SESTD1: variants seen among roughly 807,000 people sequenced by gnomAD.
SESTD1 encodes SEC14 domain and spectrin repeat-containing protein 1.
In SESTD1, 43 loss-of-function variants were observed where a neutral mutation model predicts 101.7. The ratio of observed to expected loss-of-function variants is 0.42; its 90% confidence interval spans 0.33 to 0.55. SESTD1 has a LOEUF of 0.55. Ranked by LOEUF, SESTD1 falls within the 20% of genes least tolerant of loss-of-function variation. SESTD1 has a pLI of 0.07. For missense variants in SESTD1, 647 were observed against 815.1 expected, an observed-to-expected ratio of 0.79 and a Z score of 2.51; for synonymous variants, 283 against 286.8, an observed-to-expected ratio of 0.99 and a Z score of 0.13.
At position 179,216,519 on chromosome 2, in the gene SESTD1, T is replaced by C. The variant is rs1411402910; in HGVS notation, c.-25-24653A>G. ...TGGAAGAATATTCCATGCTCATGGA[T>C]AGGAAGAATCAATATTGTGAAAATG... On this transcript the variant is annotated intron_variant, in intron 1 of 17. Coordinates refer to ENST00000428443, the MANE Select transcript of SESTD1 (RefSeq NM_178123.5). Among the ~76,000 whole-genome samples the C allele has an allele frequency of 2.2e-5, 3 of 135,064 alleles. 1 individual carries two copies. Among genetic ancestry groups the C allele is most frequent in the Non-Finnish European group, 4.8e-5 (3 of 62,876 alleles). The allele number at this position is 135,064 out of a possible 152,430, so 88.6% of individuals were successfully genotyped here. A position where few individuals can be genotyped will look rare whatever the true frequency, so the allele number is the denominator to read the frequency against.
intron 1 of SESTD1, among the ~76,000 whole-genome samples, chr2:179,259,494 C>T (rs920684052): frequency 6.6e-6 from 1 of 152,144 alleles, no homozygotes; most frequent in Non-Finnish European, 1.5e-5. Context: ...TCTCAAAGTG[C>T]TGGGATTACA....
intron 1 of SESTD1, among the ~76,000 whole-genome samples, chr2:179,195,778 G>A (rs1372353336): frequency 6.6e-6 from 1 of 151,084 alleles, no homozygotes. Context: ...AAGTTAAAAG[G>A]AACCAGGGAA....
chr2:179,152,912 G>A (rs2045557906), intron 5 of SESTD1, among the ~76,000 whole-genome samples: 1 of 151,810 alleles, frequency 6.6e-6, no homozygotes, highest in Non-Finnish European at 1.5e-5. Flanking sequence ...GAAAGGAGGT[G>A]AAAAATCAGA....
chr2:179,121,647 C>A, intron 13 of SESTD1, 123 bp downstream of exon 13: 1 of 692,518 alleles, frequency 1.4e-6, no homozygotes, highest in South Asian at 4.6e-5. Context: ...TCACCAAAAA[C>A]CTACTACATG....
At chr2:179,193,989 G>A (rs756332238) in intron 1 of SESTD1, among the ~76,000 whole-genome samples, 69 of 152,036 alleles carry the variant, frequency 4.5e-4, no homozygotes, top group Non-Finnish European at 5.9e-4. Context: ...TCACTCTCTC[G>A]GGATCCTGAT....
chr2:179,229,263 G>T (rs2046939213), intron 1 of SESTD1, among the ~76,000 whole-genome samples: 1 of 152,148 alleles, frequency 6.6e-6, no homozygotes, highest in Non-Finnish European at 1.5e-5. Flanking sequence ...CAATGTAAGT[G>T]AGCATCATTC....
chr2:179,203,306 A>G (rs2046545166), intron 1 of SESTD1, among the ~76,000 whole-genome samples: 1 of 133,970 alleles, frequency 7.5e-6, no homozygotes, highest in Non-Finnish European at 1.6e-5. Context: ...GCCTTTCTTT[A>G]CCTACAACTG....
intron 1 of SESTD1, among the ~76,000 whole-genome samples, chr2:179,243,237 T>C (rs1315559211): frequency 2.6e-5 from 4 of 152,054 alleles, no homozygotes; most frequent in Non-Finnish European, 2.9e-5. Context: ...ATGGCTATTA[T>C]TAAAAAGTCA....
chr2:179,124,920 T>A (rs568748820), intron 10 of SESTD1, among the ~76,000 whole-genome samples: 7 of 152,264 alleles, frequency 4.6e-5, no homozygotes, highest in South Asian at 4.2e-4. Flanking sequence ...CAAAAAACCG[T>A]ATCCCCTTTG....
intron 10 of SESTD1, among the ~76,000 whole-genome samples, chr2:179,128,879 A>T (rs1039214864): frequency 1.3e-5 from 2 of 152,168 alleles, no homozygotes; most frequent in Non-Finnish European, 2.9e-5. Context: ...ATAGCAAAAT[A>T]AAAAAACACC....
intron 1 of SESTD1, among the ~76,000 whole-genome samples, chr2:179,236,749 GTTTT>G (rs71848548): frequency 1.5e-5 from 2 of 135,250 alleles, no homozygotes; most frequent in African/African-American, 2.6e-5. Flanking sequence ...ATCTGATGTA[GTTTT>G]TTTTTTTTTT....
chr2:179,148,819 G>A (rs2045448332), intron 7 of SESTD1, among the ~76,000 whole-genome samples: 1 of 152,058 alleles, frequency 6.6e-6, no homozygotes, highest in African/African-American at 2.4e-5. Context: ...CCAGCACTTT[G>A]GGAGGCCGAG....
chr2:179,238,349 CTG>C (rs2105544602), intron 1 of SESTD1, among the ~76,000 whole-genome samples: 1 of 152,256 alleles, frequency 6.6e-6, no homozygotes, highest in African/African-American at 2.4e-5. Flanking sequence ...CCACAGAAAA[CTG>C]TTGGCATAAT....
At position 179,206,405 on chromosome 2, in the gene SESTD1, G is replaced by A. The variant is rs990074054; in HGVS notation, c.-25-14539C>T. On this transcript the variant is annotated intron_variant, in intron 1 of 17. Coordinates refer to ENST00000428443, the MANE Select transcript of SESTD1 (RefSeq NM_178123.5). ...TGGGGAACCCAAAAATCCAGATCAT[G>A]GGAGAAGAATTTAATCTTACATAGA... Among the ~76,000 whole-genome samples the A allele has an allele frequency of 5.1e-5, 7 of 136,386 alleles. 2 individuals carry two copies. Among genetic ancestry groups the A allele is most frequent in the African/African-American group, 2.0e-4 (7 of 34,710 alleles). The allele number at this position is 136,386 out of a possible 152,430, so 89.5% of individuals were successfully genotyped here. A position where few individuals can be genotyped will look rare whatever the true frequency, so the allele number is the denominator to read the frequency against.
intron 8 of SESTD1, among the ~76,000 whole-genome samples, chr2:179,145,883 A>G (rs1443539712): frequency 6.6e-6 from 1 of 152,248 alleles, no homozygotes; most frequent in Non-Finnish European, 1.5e-5. Flanking sequence ...GGAGTGTTCA[A>G]TAATTCTCAT....
At chr2:179,219,427 G>C (rs559496125) in intron 1 of SESTD1, among the ~76,000 whole-genome samples, 1 of 152,308 alleles carries the variant, frequency 6.6e-6, no homozygotes, top group South Asian at 2.1e-4. Flanking sequence ...ATCATCTCTA[G>C]TAAGTCTACA....
rs2046952122 is a variant in SESTD1 at position 179,229,769 on chromosome 2, A to ATG, written c.-26+34729_-26+34730insCA. Among the ~76,000 whole-genome samples the ATG allele has an allele frequency of 1.6e-5, 2 of 125,040 alleles. 1 individual carries two copies. Among genetic ancestry groups the ATG allele is most frequent in the South Asian group, 6.1e-4 (2 of 3,304 alleles). 82.0% of individuals were successfully genotyped at this position (125,040 alleles called of 152,430 possible). A position where few individuals can be genotyped will look rare whatever the true frequency, so the allele number is the denominator to read the frequency against. On this transcript the variant is annotated intron_variant, in intron 1 of 17. Coordinates refer to ENST00000428443, the MANE Select transcript of SESTD1 (RefSeq NM_178123.5). The stretch of plus-strand genomic sequence containing the variant: ...AGAACTTATATATATATATATATAT[A>ATG]TATATACTCAAATACACACACACAC...
intron 7 of SESTD1, among the ~76,000 whole-genome samples, chr2:179,146,937 G>T (rs1367959547): frequency 7.3e-6 from 1 of 137,120 alleles, no homozygotes; most frequent in Non-Finnish European, 1.6e-5. Context: ...GTGTGTGTGT[G>T]TGTGTCCTAG....
chr2:179,110,565 T>G (rs554208247), intron 17 of SESTD1, among the ~76,000 whole-genome samples: 1 of 152,306 alleles, frequency 6.6e-6, no homozygotes, highest in East Asian at 1.9e-4. Flanking sequence ...GTTAATCTCT[T>G]TATTTTTCAG....
Sources: allele counts gnomAD v4.1 joint callset (sites outside exome capture counted in the v4.1 genomes callset), GRCh38; gene constraint gnomAD v4.1.1; transcripts MANE v1.5; gene names NCBI Gene and HGNC (gene_info 2026-07-23, HGNC 2026-07-21).